MPHOSPH9: variants seen among roughly 807,000 people sequenced by gnomAD.
MPHOSPH9 encodes the protein M-phase phosphoprotein 9.
MPHOSPH9 carries 88 observed loss-of-function variants against 145.5 expected under a neutral mutation model. The observed-to-expected ratio is 0.60, with a 90% confidence interval of 0.51 to 0.72. The LOEUF is 0.72. MPHOSPH9 is among the 30% of genes least tolerant of loss of function. The pLI, the probability that MPHOSPH9 is intolerant of heterozygous loss-of-function variation, is 0.00. For missense variants in MPHOSPH9, 1,238 were observed against 1,386.6 expected (o/e 0.89, Z 1.70); for synonymous variants, 435 against 486.2 (o/e 0.89, Z 1.39).
intron 16 of MPHOSPH9, among the ~76,000 whole-genome samples, chr12:123,169,427 A>G (rs1053394194): frequency 1.7e-4 from 26 of 151,020 alleles, no homozygotes; most frequent in Non-Finnish European, 3.1e-4. Context: ...TAAGCCCAGG[A>G]GGCGGAGTTT....
chr12:123,177,798 T>C (rs140588078), intron 15 of MPHOSPH9, among the ~76,000 whole-genome samples: 1 of 151,812 alleles, frequency 6.6e-6, no homozygotes, highest in East Asian at 1.9e-4. Context: ...GGTAACACTT[T>C]CACAAACAAG....
intron 8 of MPHOSPH9, among the ~76,000 whole-genome samples, chr12:123,204,702 C>T (rs190716380): frequency 3.9e-5 from 6 of 152,260 alleles, no homozygotes; most frequent in African/African-American, 1.2e-4. Context: ...TGGTGAAACC[C>T]TGTCTCTACT....
At chr12:123,238,426 G>A (rs895321155) in intron 1 of MPHOSPH9, among the ~76,000 whole-genome samples, 3 of 152,048 alleles carry the variant, frequency 2.0e-5, no homozygotes, top group Non-Finnish European at 2.9e-5. Context: ...GACGGAATAA[G>A]CAGGTAATCA....
chr12:123,181,314 A>G (rs2045131294), intron 13 of MPHOSPH9, 104 bp from the exon 14 acceptor site: 2 of 896,368 alleles, frequency 2.2e-6, no homozygotes, highest in Non-Finnish European at 1.8e-6. Context: ...AAAAATGCCA[A>G]TGTCATGAAA....
chr12:123,162,214 C>G lies in MPHOSPH9; in HGVS notation c.3034G>C (p.Asp1012His). 1 of 1,492,564 alleles carries G rather than the reference C, an allele frequency of 6.7e-7. No homozygotes were observed. The highest frequency in any genetic ancestry group is 1.4e-5 in the South Asian group (1 of 69,542). 92.5% of individuals were successfully genotyped at this position (1,492,564 alleles called of 1,614,324 possible). ...SKNESSPIRFDILLDDLDTVP... is the reference protein window; with the variant it reads ...SKNESSPIRFHILLDDLDTVP... ...GTATCTAAATCATCCAAAAGTATATCAAATCTATTGAATGAAGCAAGTTAC... is the reference window on the plus strand; with the variant it reads ...GTATCTAAATCATCCAAAAGTATATGAAATCTATTGAATGAAGCAAGTTAC... Residue 1012 changes from aspartate (D) to histidine (H), a missense_variant, in exon 21 of 24, where the codon GAT becomes CAT. Transcript: ENST00000606320.
At chr12:123,172,738 C>A (rs1284094712) in intron 16 of MPHOSPH9, among the ~76,000 whole-genome samples, 1 of 152,200 alleles carries the variant, frequency 6.6e-6, no homozygotes. Context: ...GTAGTTCATG[C>A]CACATGTGGC....
At chr12:123,186,628 C>T (rs1423610539) in intron 13 of MPHOSPH9, among the ~76,000 whole-genome samples, 1 of 152,150 alleles carries the variant, frequency 6.6e-6, no homozygotes, top group Non-Finnish European at 1.5e-5. Context: ...CCTAGATCTT[C>T]ACCCACCACA....
chr12:123,166,854 A>G (rs1480897919), intron 16 of MPHOSPH9, 65 bp from the exon 17 acceptor site: 31 of 1,522,184 alleles, frequency 2.0e-5, no homozygotes, highest in Non-Finnish European at 2.7e-5. Flanking sequence ...GCATGTGCAT[A>G]TAAAACAATC....
In MPHOSPH9 at chr12:123,216,981, T is replaced by C. The variant is rs576290729; in HGVS notation, c.996+1395A>G. The stretch of plus-strand genomic sequence containing the variant: ...CCCAGCCTGGGCAACAGAGCAAGAC[T>C]CCATGTCAAAAAAATAAATAAATAA... On this transcript the variant is annotated intron_variant, in intron 6 of 23. Transcript: ENST00000606320. Among the ~76,000 whole-genome samples the C allele has an allele frequency of 1.3e-4, 18 of 141,208 alleles. No individual in the cohort carries two copies. The East Asian group carries it at 3.4e-3, about 26-fold the overall frequency. 92.6% of individuals were successfully genotyped at this position (141,208 alleles called of 152,430 possible).
chr12:123,165,184 C>A (rs1472729969), intron 18 of MPHOSPH9, 118 bp downstream of exon 18: 2 of 934,078 alleles, frequency 2.1e-6, no homozygotes, highest in Non-Finnish European at 3.2e-6. Flanking sequence ...AGTAAAATAG[C>A]AAGTTTACAG....
chr12:123,156,718 T>C lies in MPHOSPH9; in HGVS notation c.*89A>G. 1 of 944,358 alleles carries C rather than the reference T, an allele frequency of 1.1e-6. No homozygotes were observed. The highest frequency in any genetic ancestry group is 1.6e-5 in the South Asian group (1 of 61,846). The allele number at this position is 944,358 out of a possible 1,614,324, so 58.5% of individuals were successfully genotyped here. ...TGTAAAACTACTGTTTGAAGGCTTATAAACAGTACAAAATAGTTTGCCTTT... is the reference window on the plus strand; with the variant it reads ...TGTAAAACTACTGTTTGAAGGCTTACAAACAGTACAAAATAGTTTGCCTTT... On this transcript the variant is annotated 3_prime_UTR_variant, in exon 24 of 24. Transcript: ENST00000606320.
chr12:123,210,518 C>T (rs562974366), intron 7 of MPHOSPH9, among the ~76,000 whole-genome samples: 1 of 151,936 alleles, frequency 6.6e-6, no homozygotes, highest in African/African-American at 2.4e-5. Flanking sequence ...CGTGGTGAAG[C>T]CCCATCTCTA....
chr12:123,223,031 A>T lies in MPHOSPH9; in HGVS notation c.348+7T>A. 1 of 1,504,850 alleles carries T rather than the reference A, an allele frequency of 6.6e-7. No individual in the cohort carries two copies. Among genetic ancestry groups the T allele is most frequent in the East Asian group, 2.6e-5 (1 of 38,750 alleles). 93.2% of individuals were successfully genotyped at this position (1,504,850 alleles called of 1,614,324 possible). ...AAAAAAAGGAATCAATGTAAATGGT[A>T]ACTTACTTGAATTTGGTTGTGGAAC... On this transcript the variant is annotated splice_region_variant and intron_variant, in intron 4 of 23. Coordinates refer to ENST00000606320, the MANE Select transcript of MPHOSPH9 (RefSeq NM_022782.4).
intron 1 of MPHOSPH9, among the ~76,000 whole-genome samples, chr12:123,231,559 T>G (rs965506611): frequency 6.6e-6 from 1 of 152,152 alleles, no homozygotes; most frequent in Non-Finnish European, 1.5e-5. Flanking sequence ...GGAGCCTGCC[T>G]GCAGCTACTG....
chr12:123,212,234 A>G (rs2046758328), intron 7 of MPHOSPH9, among the ~76,000 whole-genome samples: 2 of 152,134 alleles, frequency 1.3e-5, no homozygotes, highest in Admixed American at 1.3e-4. Flanking sequence ...AGGGTTGGCT[A>G]CTGAGAGGAT....
intron 13 of MPHOSPH9, among the ~76,000 whole-genome samples, chr12:123,193,823 G>GTTTT (rs35393288): frequency 1.4e-5 from 2 of 146,350 alleles, no homozygotes; most frequent in Non-Finnish European, 1.5e-5. Flanking sequence ...TGCAGACACA[G>GTTTT]TTTTTTTTTT....
At chr12:123,175,449 A>G (rs975423843) in intron 16 of MPHOSPH9, among the ~76,000 whole-genome samples, 6 of 152,086 alleles carry the variant, frequency 3.9e-5, no homozygotes, top group South Asian at 2.1e-4. Flanking sequence ...CACGGCGCCC[A>G]GCCAAGATCC....
chr12:123,241,158 G>GA (rs2047930721), intron 1 of MPHOSPH9, among the ~76,000 whole-genome samples: 1 of 132,606 alleles, frequency 7.5e-6, no homozygotes, highest in African/African-American at 2.7e-5. Context: ...TTTTGTTTTT[G>GA]TTTTTTTTTT....
rs1197435348 is a variant in MPHOSPH9 at position 123,225,725 on chromosome 12, T to C, written c.258+1738A>G. ...GCAATGCCTCCTTTGTCCTAAAGCA[T>C]GTTAATTCAGTTATCAAAAGCTAAT... On this transcript the variant is annotated intron_variant, in intron 3 of 23. Transcript: ENST00000606320. Among the ~76,000 whole-genome samples, 3 of 152,294 alleles carry C rather than the reference T, an allele frequency of 2.0e-5. No individual in the cohort carries two copies. In the East Asian group the frequency reaches 5.8e-4, roughly 29 times the overall value.
Sources: allele counts gnomAD v4.1 joint callset (sites outside exome capture counted in the v4.1 genomes callset), GRCh38; gene constraint gnomAD v4.1.1; transcripts MANE v1.5; gene names NCBI Gene and HGNC (gene_info 2026-07-23, HGNC 2026-07-21).